The following ADGRL3 variants were observed in gnomAD, a reference collection of about 807,000 sequenced individuals.
ADGRL3 encodes calcium-independent alpha-latrotoxin receptor 3.
A neutral mutation model predicts 153.5 loss-of-function variants in ADGRL3; 62 were observed. The ratio of observed to expected loss-of-function variants is 0.40; its 90% CI spans 0.33 to 0.50. ADGRL3 has a LOEUF of 0.50. Among genes scored for constraint, ADGRL3 ranks in the 20% least tolerant of loss-of-function variants. ADGRL3 has a pLI of 0.47. For synonymous variants in ADGRL3, 710 were observed against 672.5 expected (o/e 1.06, Z -0.86); for missense variants, 1,641 against 1,859.4 (o/e 0.88, Z 2.16).
At chr4:61,635,693 C>G (rs1021349513) in intron 5 of ADGRL3, among the ~76,000 whole-genome samples, 1 of 152,060 alleles carries the variant, frequency 6.6e-6, no homozygotes, top group Non-Finnish European at 1.5e-5. Context: ...TAACCAAGAA[C>G]CTCAGACTGG....
intron 1 of ADGRL3, among the ~76,000 whole-genome samples, chr4:61,254,853 C>A (rs184311484): frequency 6.6e-6 from 1 of 152,102 alleles, no homozygotes; most frequent in Non-Finnish European, 1.5e-5. Flanking sequence ...CACCTCAGAA[C>A]CTTTTACATT....
intron 8 of ADGRL3, among the ~76,000 whole-genome samples, chr4:61,799,031 A>G (rs1354815375): frequency 7.4e-6 from 1 of 134,728 alleles, no homozygotes; most frequent in East Asian, 2.2e-4. Flanking sequence ...ATATATATAT[A>G]TATATATACC....
chr4:61,541,186 A>G (rs2098688254), intron 4 of ADGRL3, among the ~76,000 whole-genome samples: 1 of 152,096 alleles, frequency 6.6e-6, no homozygotes, highest in Admixed American at 6.5e-5. Flanking sequence ...GGCAAATAAA[A>G]GTACTGAAGC....
rs565254087 is a variant in ADGRL3, at chr4:61,687,184, A to G, written c.583+10249A>G. 2.1e-4 allele frequency among the ~76,000 whole-genome samples: 32 copies of G among 152,074 alleles called. 1 individual carries two copies. The South Asian group carries it at 6.2e-3, about 30-fold the overall frequency. On this transcript the variant is annotated intron_variant, in intron 6 of 26. Coordinates refer to ENST00000683033, the MANE Select transcript of ADGRL3 (RefSeq NM_001387552.1). ...AAAATCCAAAGTCAAATAAATACTT[A>G]TTATATGATAGGCTCAATAAAGTTC...
chr4:61,520,247 G>T (rs574473574), intron 4 of ADGRL3, among the ~76,000 whole-genome samples: 3 of 152,222 alleles, frequency 2.0e-5, no homozygotes, highest in Non-Finnish European at 4.4e-5. Flanking sequence ...TAGATATCAA[G>T]GCTTTCCCTA....
chr4:61,709,154 T>C (rs2095913383), intron 6 of ADGRL3, among the ~76,000 whole-genome samples: 2 of 152,276 alleles, frequency 1.3e-5, no homozygotes, highest in Non-Finnish European at 1.5e-5. Context: ...AATTTCCTAA[T>C]TTGTTATATT....
intron 9 of ADGRL3, among the ~76,000 whole-genome samples, chr4:61,889,280 G>C (rs1019434066): frequency 6.6e-6 from 1 of 152,216 alleles, no homozygotes. Flanking sequence ...AGGTGAAAAT[G>C]GGGGCAAGAA....
At chr4:61,442,592 G>T (rs913123997) in intron 2 of ADGRL3, among the ~76,000 whole-genome samples, 1 of 152,048 alleles carries the variant, frequency 6.6e-6, no homozygotes, top group Non-Finnish European at 1.5e-5. Context: ...GCAGTTATGA[G>T]GAGTAGAAGA....
chr4:61,209,074 T>C lies in ADGRL3; in HGVS notation c.-240+7309T>C, dbSNP rs868203464. ...GTTATAGATGTATTTATAAGTTATA[T>C]ACATTTTGGGGGTATATTCTATGGC... On this transcript the variant is annotated intron_variant, in intron 1 of 26. Transcript: ENST00000683033. 2.0e-5 allele frequency among the ~76,000 whole-genome samples: 3 copies of C among 152,224 alleles called. No homozygotes were observed. In the South Asian group the frequency reaches 6.2e-4, roughly 32 times the overall value.
chr4:61,744,069 C>A (rs113425822), intron 8 of ADGRL3, among the ~76,000 whole-genome samples: 50 of 152,326 alleles, frequency 3.3e-4, no homozygotes, highest in African/African-American at 8.2e-4. Context: ...TATCCCGCAC[C>A]TGGCTCGGAG....
At chr4:61,985,803 T>C in intron 19 of ADGRL3, among the ~76,000 whole-genome samples, 1 of 152,164 alleles carries the variant, frequency 6.6e-6, no homozygotes. Context: ...TTTGTCTAAA[T>C]ATGCCAATAA....
intron 9 of ADGRL3, among the ~76,000 whole-genome samples, chr4:61,846,938 T>A (rs1328005608): frequency 1.5e-5 from 2 of 134,780 alleles, no homozygotes; most frequent in Non-Finnish European, 3.1e-5. Flanking sequence ...TGAGGGATAT[T>A]TTATATATTA....
chr4:61,455,195 A>G (rs2097720499), intron 2 of ADGRL3, among the ~76,000 whole-genome samples: 1 of 152,166 alleles, frequency 6.6e-6, no homozygotes, highest in Admixed American at 6.6e-5. Context: ...TTATTTCTCA[A>G]CTGAGCATGA....
intron 9 of ADGRL3, among the ~76,000 whole-genome samples, chr4:61,879,063 A>G (rs2098493633): frequency 6.6e-6 from 1 of 152,170 alleles, no homozygotes; most frequent in Non-Finnish European, 1.5e-5. Context: ...AATATCATAG[A>G]GTAGGCAAGA....
At chr4:61,728,702 C>T (rs933441130) in intron 6 of ADGRL3, among the ~76,000 whole-genome samples, 1 of 152,138 alleles carries the variant, frequency 6.6e-6, no homozygotes, top group African/African-American at 2.4e-5. Context: ...TTCAAGGAAC[C>T]AAATTAGTTC....
intron 8 of ADGRL3, among the ~76,000 whole-genome samples, chr4:61,789,297 G>A (rs1212108517): frequency 6.6e-6 from 1 of 151,778 alleles, no homozygotes; most frequent in Non-Finnish European, 1.5e-5. Flanking sequence ...GTGTGTGTGT[G>A]TACACACACA....
At chr4:61,223,951 A>G (rs1746772398) in intron 1 of ADGRL3, among the ~76,000 whole-genome samples, 1 of 152,200 alleles carries the variant, frequency 6.6e-6, no homozygotes, top group Admixed American at 6.5e-5. Context: ...TTTTTCATGC[A>G]TTGCTTAATT....
intron 2 of ADGRL3, among the ~76,000 whole-genome samples, chr4:61,412,366 G>A (rs576361601): frequency 3.2e-4 from 49 of 152,246 alleles, no homozygotes; most frequent in African/African-American, 1.2e-3. Flanking sequence ...AGGATTATAG[G>A]TGTGGTCCCC....
At chr4:61,316,804 A>C (rs1020879070) in intron 1 of ADGRL3, among the ~76,000 whole-genome samples, 9 of 152,222 alleles carry the variant, frequency 5.9e-5, no homozygotes, top group Non-Finnish European at 2.9e-5. Context: ...GATCATTTAA[A>C]ATATTTTAGT....
Sources: allele counts gnomAD v4.1 joint callset (sites outside exome capture counted in the v4.1 genomes callset), GRCh38; gene constraint gnomAD v4.1.1; transcripts MANE v1.5; gene names NCBI Gene and HGNC (gene_info 2026-07-23, HGNC 2026-07-21).